The following CBL variants were observed in gnomAD, a reference collection of about 807,000 sequenced individuals.
CBL encodes Cbl proto-oncogene.
In CBL, 45 loss-of-function variants were observed where a neutral mutation model predicts 96.9. That is an observed-to-expected ratio of 0.46 (90% CI 0.37 to 0.60). The LOEUF is 0.60. CBL is among the 20% of genes least tolerant of loss of function. The pLI, the probability that CBL is intolerant of heterozygous loss-of-function variation, is 0.00. For synonymous variants in CBL, 420 were observed against 426.8 expected, an observed-to-expected ratio of 0.98 and a Z score of 0.20; for missense variants, 1,024 against 1,143.5, an observed-to-expected ratio of 0.90 and a Z score of 1.51.
intron 2 of CBL, among the ~76,000 whole-genome samples, chr11:119,248,752 C>T (rs1226349057): frequency 6.6e-5 from 10 of 152,160 alleles, no homozygotes; most frequent in Non-Finnish European, 1.5e-4. Flanking sequence ...GATAAGGGAT[C>T]AACATCCAGA....
At chr11:119,259,375 T>C (rs888976866) in intron 2 of CBL, among the ~76,000 whole-genome samples, 4 of 152,198 alleles carry the variant, frequency 2.6e-5, no homozygotes, top group African/African-American at 9.6e-5. Context: ...TTTTCTCCCA[T>C]GTATTGTTTA....
intron 2 of CBL, among the ~76,000 whole-genome samples, chr11:119,267,376 T>C (rs1355090358): frequency 6.6e-6 from 1 of 152,254 alleles, no homozygotes; most frequent in African/African-American, 2.4e-5. Flanking sequence ...AAAAATGCTT[T>C]CTGTGTCCTG....
Position 119,267,790 on chromosome 11 carries a change from G to A in CBL, c.444-3945G>A, listed in dbSNP as rs778441725. Among the ~76,000 whole-genome samples the A allele has an allele frequency of 2.0e-5, 3 of 152,156 alleles. No homozygotes were observed. In the South Asian group the frequency reaches 6.2e-4, roughly 32 times the overall value. ...TGATCATTAGAAATTTTTGCCGTTC[G>A]CTTGGCCCAGAGGGATATAAATACA... is the stretch of plus-strand genomic sequence containing the variant. On this transcript the variant is annotated intron_variant, in intron 2 of 15. Coordinates refer to ENST00000264033, the MANE Select transcript of CBL (RefSeq NM_005188.4).
chr11:119,270,432 A>G lies in CBL; in HGVS notation c.444-1303A>G, dbSNP rs866679201. 6.9e-3 allele frequency among the ~76,000 whole-genome samples: 363 copies of G among 52,272 alleles called. 5 individuals carry two copies. Among genetic ancestry groups the G allele is most frequent in the South Asian group, 0.022 (19 of 866 alleles). The allele number at this position is 52,272 out of a possible 152,430, so 34.3% of individuals were successfully genotyped here. On this transcript the variant is annotated intron_variant, in intron 2 of 15. Transcript: ENST00000264033. ...AGCTAATTTTTATATATATATATAT[A>G]TATATTTTTTTTTTTTTTTTTTTTT...
Position 119,207,399 on chromosome 11 carries a change from C to T in CBL, c.195+787C>T, listed in dbSNP as rs17848893. Among the ~76,000 whole-genome samples, 370 of 152,286 alleles carry T rather than the reference C, an allele frequency of 2.4e-3. 12 individuals are homozygous for T. The East Asian group carries it at 0.047, about 20-fold the overall frequency. ...ATTCTGACTTCTTAATAACTTCCTC[C>T]CTACTACATCGCTTGAGCTGGGTTC... On this transcript the variant is annotated intron_variant, in intron 1 of 15. Transcript: ENST00000264033.
intron 11 of CBL, among the ~76,000 whole-genome samples, 179 bp from the exon 12 acceptor site, chr11:119,287,673 A>G (rs1428024525): frequency 2.0e-5 from 3 of 152,172 alleles, no homozygotes; most frequent in East Asian, 3.8e-4. Context: ...TAAACTTTAC[A>G]TTTGAAGGTT....
intron 1 of CBL, among the ~76,000 whole-genome samples, chr11:119,221,005 G>A (rs1030651230): frequency 3.3e-5 from 5 of 152,100 alleles, no homozygotes; most frequent in Non-Finnish European, 7.3e-5. Context: ...CAGCACTTTG[G>A]GAGGCCGGGG....
In CBL at chr11:119,305,082, A is replaced by G. The variant is rs540936445; in HGVS notation, c.*5301A>G. On this transcript the variant is annotated 3_prime_UTR_variant, in exon 16 of 16. Transcript: ENST00000264033. ...AGAGAAGTGAGCAGAGACTCCACAGACACCCTAAAAAGGCTTCTACTCAAG... is the reference window on the plus strand; with the variant it reads ...AGAGAAGTGAGCAGAGACTCCACAGGCACCCTAAAAAGGCTTCTACTCAAG... 2.7e-4 allele frequency: 59 copies of G among 219,458 alleles called. 1 individual carries two copies. The highest frequency in any genetic ancestry group is 1.1e-3 in the African/African-American group (50 of 44,694). 13.6% of individuals were successfully genotyped at this position (219,458 alleles called of 1,614,324 possible).
At chr11:119,271,494 A>C (rs1424897189) in intron 2 of CBL, among the ~76,000 whole-genome samples, 1 of 152,198 alleles carries the variant, frequency 6.6e-6, no homozygotes, top group East Asian at 1.9e-4. Context: ...AAGTTTCTAA[A>C]ACCCTTCTTT....
chr11:119,269,990 C>T (rs1468593380), intron 2 of CBL, among the ~76,000 whole-genome samples: 14 of 145,862 alleles, frequency 9.6e-5, no homozygotes, highest in African/African-American at 3.2e-4. Context: ...GAGCGAGACT[C>T]CGTCTCAAAA....
rs1358074406 is a variant in CBL, at chr11:119,271,802, A to G, written c.511A>G (p.Ser171Gly). 1.9e-6 allele frequency: 3 copies of G among 1,613,940 alleles called. No individual in the cohort carries two copies. In the African/African-American group the frequency reaches 4.0e-5, roughly 22 times the overall value. ...GGCAGAACTAAAAGGAATCTTTCCA[A>G]GTGGACTCTTTCAGGGAGACACATT... is the stretch of plus-strand genomic sequence containing the variant. ...MLAELKGIFP[S>G]GLFQGDTFRI... The change falls in exon 3 of 16, where the codon AGT becomes GGT. Residue 171 changes from serine (S) to glycine (G), a missense_variant. By Grantham distance (56) the Ser-to-Gly change is moderately conservative. Transcript: ENST00000264033.
At position 119,297,063 on chromosome 11, in the gene CBL, C is replaced by G. The variant is rs543556306; in HGVS notation, c.2153+29C>G. ...GGTTCACAACAACCCTTTTTGGGCC[C>G]TATACCTTTATGTGGGTAATTGACA... On this transcript the variant is annotated intron_variant, in intron 13 of 15. Transcript: ENST00000264033. The G allele has an allele frequency of 3.8e-5, 45 of 1,183,298 alleles. No homozygotes were observed. The South Asian group carries it at 5.3e-4, about 14-fold the overall frequency. The allele number at this position is 1,183,298 out of a possible 1,614,324, so 73.3% of individuals were successfully genotyped here.
chr11:119,285,585 ACTAT>A lies in CBL; in HGVS notation c.1941+23_1941+26del, dbSNP rs1949978831. On this transcript the variant is annotated intron_variant, in intron 11 of 15. Transcript: ENST00000264033. ...CTCCATGGTGAGTCTTAATTTTGAA[ACTAT>A]CTAACCTGTTAAGAAATATGTGTGG... is the stretch of plus-strand genomic sequence containing the variant. The A allele has an allele frequency of 3.7e-6, 6 of 1,612,572 alleles. No homozygotes were observed. The highest frequency in any genetic ancestry group is 2.2e-5 in the South Asian group (2 of 91,022).
intron 11 of CBL, 103 bp downstream of exon 11, chr11:119,285,669 G>A: frequency 7.5e-7 from 1 of 1,328,346 alleles, no homozygotes; most frequent in Middle Eastern, 2.3e-4. Context: ...GCCAAGGTGG[G>A]TGGATCGCTT....
chr11:119,231,601 AG>A (rs1164302574), intron 1 of CBL, among the ~76,000 whole-genome samples: 29 of 150,936 alleles, frequency 1.9e-4, no homozygotes, highest in African/African-American at 6.8e-4. Context: ...CCAGCTACTC[AG>A]GAGGCTGAGG....
At chr11:119,227,327 A>G (rs766035567) in intron 1 of CBL, among the ~76,000 whole-genome samples, 2 of 152,102 alleles carry the variant, frequency 1.3e-5, no homozygotes, top group Non-Finnish European at 2.9e-5. Context: ...TTGACTTATG[A>G]TACCTTCAAC....
chr11:119,283,959 T>G (rs767697502), intron 9 of CBL, among the ~76,000 whole-genome samples: 2 of 152,108 alleles, frequency 1.3e-5, no homozygotes, highest in Non-Finnish European at 2.9e-5. Context: ...TTGAAATAAT[T>G]TATTTCTTTG....
rs576175174 is a variant in CBL at position 119,297,001 on chromosome 11, C to T, written c.2120C>T (p.Pro707Leu). The T allele has an allele frequency of 1.3e-5, 21 of 1,605,432 alleles. No individual in the cohort carries two copies. The South Asian group carries it at 2.2e-4, about 17-fold the overall frequency. The change falls in exon 13 of 16, where the codon CCT becomes CTT. Residue 707 changes from proline to leucine, a missense_variant. Physicochemically the swap from Pro to Leu is moderately conservative, Grantham distance 98. Transcript: ENST00000264033. ...GAGTACATGACTCCCTCTTCCAGGC[C>T]TCTACGGCCTTTGGATACATCCCAG... ...DTEYMTPSSR[P>L]LRPLDTSQSS...
chr11:119,269,383 C>T (rs191090280), intron 2 of CBL, among the ~76,000 whole-genome samples: 1 of 151,764 alleles, frequency 6.6e-6, no homozygotes, highest in East Asian at 1.9e-4. Context: ...ACCATGCCCG[C>T]CTAATTTTTG....
Sources: allele counts gnomAD v4.1 joint callset (sites outside exome capture counted in the v4.1 genomes callset), GRCh38; gene constraint gnomAD v4.1.1; transcripts MANE v1.5; gene names NCBI Gene and HGNC (gene_info 2026-07-23, HGNC 2026-07-21).